RNF6: variants seen among roughly 807,000 people sequenced by gnomAD.
The protein encoded by RNF6 is E3 ubiquitin-protein ligase RNF6.
A neutral mutation model predicts 50.1 loss-of-function variants in RNF6; 21 were observed. The observed-to-expected ratio is 0.42, with a 90% confidence interval of 0.30 to 0.60. RNF6 has a LOEUF of 0.60. RNF6 is among the 20% of genes least tolerant of loss of function. The pLI, the probability that RNF6 is intolerant of heterozygous loss-of-function variation, is 0.20. For synonymous variants in RNF6, 255 were observed against 291.8 expected (o/e 0.87, Z 1.29); for missense variants, 698 against 838.2 (o/e 0.83, Z 2.07).
intron 5 of RNF6, among the ~76,000 whole-genome samples, chr13:26,160,783 G>A (rs1020593103): frequency 9.2e-5 from 14 of 152,034 alleles, no homozygotes; most frequent in Non-Finnish European, 1.8e-4. Flanking sequence ...TGGCAGAGCC[G>A]ATTCCTTCTG....
At chr13:26,158,062 G>T (rs56195292) in intron 5 of RNF6, among the ~76,000 whole-genome samples, 5,696 of 152,140 alleles carry the variant, frequency 0.037, 167 homozygotes, top group East Asian at 0.12. Flanking sequence ...ACAAATGGAT[G>T]AATAGATGAA....
At chr13:26,140,118 TG>T (rs778031496) in intron 5 of RNF6, among the ~76,000 whole-genome samples, 50 of 152,350 alleles carry the variant, frequency 3.3e-4, no homozygotes, top group Non-Finnish European at 6.5e-4. Flanking sequence ...ATTTTGGGGA[TG>T]GGGATTAATA....
At chr13:26,178,986 T>A (rs780782662) in intron 5 of RNF6, among the ~76,000 whole-genome samples, 1 of 152,216 alleles carries the variant, frequency 6.6e-6, no homozygotes. Flanking sequence ...TAAGACTAAA[T>A]AATATTTCAT....
intron 5 of RNF6, among the ~76,000 whole-genome samples, chr13:26,183,129 T>C (rs1873320696): frequency 6.6e-6 from 1 of 152,184 alleles, no homozygotes. Flanking sequence ...ACTATTCAAG[T>C]CAAAAAGACA....
intron 5 of RNF6, among the ~76,000 whole-genome samples, chr13:26,164,555 CT>C (rs369638492): frequency 6.6e-6 from 1 of 152,078 alleles, no homozygotes; most frequent in East Asian, 1.9e-4. Flanking sequence ...TAAAAATAGT[CT>C]TTTTTTCTTT....
intron 5 of RNF6, among the ~76,000 whole-genome samples, chr13:26,202,928 A>T (rs1014286387): frequency 1.3e-5 from 2 of 152,238 alleles, no homozygotes; most frequent in African/African-American, 4.8e-5. Context: ...TTTTATGCTG[A>T]TGTTTATGAA....
chr13:26,175,141 C>G (rs143776334), intron 5 of RNF6, among the ~76,000 whole-genome samples: 1 of 152,044 alleles, frequency 6.6e-6, no homozygotes, highest in Non-Finnish European at 1.5e-5. Flanking sequence ...AGTGCAATGG[C>G]GTGATCTCGG....
intron 5 of RNF6, among the ~76,000 whole-genome samples, chr13:26,188,627 T>C (rs1457038736): frequency 1.1e-5 from 1 of 93,574 alleles, no homozygotes; most frequent in African/African-American, 4.5e-5. Context: ...AAAGAGCTTT[T>C]TTTTTTTTTT....
At chr13:26,196,182 T>C (rs1300685730) in intron 5 of RNF6, among the ~76,000 whole-genome samples, 1 of 152,150 alleles carries the variant, frequency 6.6e-6, no homozygotes, top group Non-Finnish European at 1.5e-5. Context: ...ATAAAATCTC[T>C]TATAAACAAC....
chr13:26,147,842 G>T (rs943432861), intron 5 of RNF6, among the ~76,000 whole-genome samples: 2 of 152,156 alleles, frequency 1.3e-5, no homozygotes, highest in African/African-American at 4.8e-5. Flanking sequence ...TGGCACTTTA[G>T]CTGGAAATTC....
rs559628473 is a variant in RNF6 at position 26,144,924 on chromosome 13, G to C, written n.769-12473C>G. ...TGCTATTGTGCATGCCCAATTTTAT[G>C]GCTTGGTGGGTCCAGTCAGCATAAT... On this transcript the variant is annotated intron_variant and non_coding_transcript_variant, in intron 5 of 5. Coordinates refer to the RNF6 transcript ENST00000468480. The C allele has an allele frequency of 2.0e-5, 3 of 152,288 alleles. No homozygotes were observed. The South Asian group carries it at 6.2e-4, about 32-fold the overall frequency. The allele number at this position is 152,288 out of a possible 1,614,324, so 9.4% of individuals were successfully genotyped here.
At chr13:26,201,007 G>A (rs1002799502) in intron 5 of RNF6, among the ~76,000 whole-genome samples, 3 of 152,142 alleles carry the variant, frequency 2.0e-5, no homozygotes, top group Admixed American at 1.3e-4. Context: ...ATTAAAAGCA[G>A]AGACTCTGGC....
intron 5 of RNF6, chr13:26,150,931 A>G (rs1332013833): frequency 6.6e-6 from 1 of 152,220 alleles, no homozygotes; most frequent in Non-Finnish European, 1.5e-5. Context: ...GAGTTACACT[A>G]TTAATTTTAT....
chr13:26,213,930 A>G lies in RNF6; in HGVS notation c.1952T>C (p.Met651Thr), dbSNP rs766280735. 10 of 1,614,180 alleles carry G rather than the reference A, an allele frequency of 6.2e-6. No homozygotes were observed. The highest frequency in any genetic ancestry group is 8.5e-6 in the Non-Finnish European group (10 of 1,180,002). Residue 651 changes from methionine (M) to threonine (T), a missense_variant, in exon 5 of 5, where the codon ATG (methionine) becomes ACG (threonine). Transcript: ENST00000381588. ...AATACAATGAATGTGAAATTCATGC[A>G]TGCAAGGTAATTGCCTGAGCTTGTT... is the stretch of plus-strand genomic sequence containing the variant. Reference protein sequence around the residue: ...TGNKLRQLPCMHEFHIHCIDR... With the variant: ...TGNKLRQLPCTHEFHIHCIDR...
At chr13:26,196,210 A>G (rs967877513) in intron 5 of RNF6, among the ~76,000 whole-genome samples, 6 of 152,264 alleles carry the variant, frequency 3.9e-5, no homozygotes, top group Admixed American at 3.3e-4. Flanking sequence ...AAAAGTTATC[A>G]CAAACATACA....
chr13:26,211,327 A>G (rs1234047775), downstream of RNF6, among the ~76,000 whole-genome samples: 1 of 152,222 alleles, frequency 6.6e-6, no homozygotes, highest in Non-Finnish European at 1.5e-5. Flanking sequence ...ATGTCTTGCA[A>G]AGGACTAAGT....
intron 5 of RNF6, among the ~76,000 whole-genome samples, chr13:26,168,747 C>T (rs916903012): frequency 3.3e-5 from 5 of 152,206 alleles, no homozygotes; most frequent in African/African-American, 1.2e-4. Flanking sequence ...CATAGTGGCT[C>T]ACGCCAATAA....
intron 5 of RNF6, among the ~76,000 whole-genome samples, chr13:26,170,621 C>T (rs1321072005): frequency 6.6e-6 from 1 of 152,160 alleles, no homozygotes; most frequent in East Asian, 1.9e-4. Flanking sequence ...CTCTTGCTCC[C>T]AGAGGGAAAG....
At chr13:26,155,684 C>T (rs1871883273) in intron 5 of RNF6, among the ~76,000 whole-genome samples, 1 of 152,144 alleles carries the variant, frequency 6.6e-6, no homozygotes, top group Non-Finnish European at 1.5e-5. Flanking sequence ...ACTGTTGCTC[C>T]CACTCTGGTA....
Sources: gnomAD v4.1 joint callset for allele counts (sites outside exome capture counted in the v4.1 genomes callset) on GRCh38, gnomAD v4.1.1 for gene constraint, MANE v1.5 for transcripts, NCBI Gene and HGNC (gene_info 2026-07-23, HGNC 2026-07-21) for gene names.